The following RANGAP1 variants were observed in gnomAD, a reference collection of about 807,000 sequenced individuals.
RANGAP1 encodes Ran GTPase activating protein 1, also known as ran GTPase-activating protein 1.
In RANGAP1, 38 loss-of-function variants were observed where a neutral mutation model predicts 63.5. The ratio of observed to expected loss-of-function variants is 0.60; its 90% CI spans 0.46 to 0.78. The LOEUF (loss-of-function observed/expected upper bound fraction) is 0.78, where lower values mean the gene tolerates loss of function less well. Ranked by LOEUF, RANGAP1 falls within the 30% of genes least tolerant of loss-of-function variation. The pLI, the probability that RANGAP1 is intolerant of heterozygous loss-of-function variation, is 0.00. For missense variants in RANGAP1, 630 were observed against 740.3 expected (o/e 0.85, Z 1.73); for synonymous variants, 329 against 310.5 (o/e 1.06, Z -0.63).
the RANGAP1 span, among the ~76,000 whole-genome samples, chr22:41,297,569 G>C: frequency 6.7e-6 from 1 of 149,436 alleles, no homozygotes; most frequent in Non-Finnish European, 1.5e-5. Context: ...GGAGTGCAGT[G>C]ATGAAGCCAT....
chr22:41,266,051 A>T (rs1439935722), intron 4 of RANGAP1, among the ~76,000 whole-genome samples: 1 of 152,026 alleles, frequency 6.6e-6, no homozygotes, highest in Non-Finnish European at 1.5e-5. Flanking sequence ...AAATACAAAA[A>T]ATTAGCCGGG....
intron 5 of RANGAP1, among the ~76,000 whole-genome samples, chr22:41,263,421 G>C (rs1238469210): frequency 6.6e-6 from 1 of 152,168 alleles, no homozygotes; most frequent in African/African-American, 2.4e-5. Context: ...TTTTGCTCTT[G>C]TTGCCCAGGC....
At chr22:41,249,582 G>A in intron 14 of RANGAP1, 131 bp from the exon 15 acceptor site, 1 of 1,534,548 alleles carries the variant, frequency 6.5e-7, no homozygotes, top group Non-Finnish European at 8.9e-7. Flanking sequence ...GAAGACCAAG[G>A]CTGCTGGGGC....
At chr22:41,272,963 C>T (rs1325862726) in intron 3 of RANGAP1, among the ~76,000 whole-genome samples, 1 of 152,126 alleles carries the variant, frequency 6.6e-6, no homozygotes, top group African/African-American at 2.4e-5. Flanking sequence ...TAGGTGCACA[C>T]CACCATGCCG....
intron 11 of RANGAP1, 123 bp downstream of exon 11, chr22:41,254,185 T>TAA: frequency 1.6e-5 from 15 of 964,792 alleles, no homozygotes; most frequent in Admixed American, 2.7e-5. Context: ...TATCATGCAA[T>TAA]CAAAAAAAAA....
At chr22:41,289,371 C>T (rs2035810739), upstream of RANGAP1, among the ~76,000 whole-genome samples, 1 of 151,978 alleles carries the variant, frequency 6.6e-6, no homozygotes, top group Non-Finnish European at 1.5e-5. Context: ...CCTGTAATCC[C>T]AGCACTTCGG....
chr22:41,287,265 G>A (rs1252361087), upstream of RANGAP1, among the ~76,000 whole-genome samples: 1 of 152,080 alleles, frequency 6.6e-6, no homozygotes, highest in African/African-American at 2.4e-5. Flanking sequence ...AGACACAAAT[G>A]TGGCAAAATG....
chr22:41,273,797 C>T (rs1287691711), intron 3 of RANGAP1, among the ~76,000 whole-genome samples: 1 of 84,406 alleles, frequency 1.2e-5, no homozygotes, highest in Non-Finnish European at 2.8e-5. Flanking sequence ...AAAAAAAGGC[C>T]GGGAGCAGTG....
chr22:41,253,280 T>G (rs2145697127), intron 11 of RANGAP1, among the ~76,000 whole-genome samples: 1 of 152,274 alleles, frequency 6.6e-6, no homozygotes, highest in East Asian at 1.9e-4. Context: ...TGACATGCAG[T>G]GCCCCAGAAA....
the RANGAP1 span, among the ~76,000 whole-genome samples, chr22:41,301,274 G>T: frequency 1.3e-5 from 2 of 152,188 alleles, no homozygotes; most frequent in African/African-American, 4.8e-5. Context: ...AAGGGCGGAG[G>T]CGCTGGGTTT....
intron 5 of RANGAP1, among the ~76,000 whole-genome samples, chr22:41,263,805 C>T (rs2034307547): frequency 6.6e-6 from 1 of 152,246 alleles, no homozygotes; most frequent in Non-Finnish European, 1.5e-5. Context: ...GGCCGAGGGA[C>T]ACAGGCACCC....
At chr22:41,285,569 G>C in intron 1 of RANGAP1, 1 of 985,470 alleles carries the variant, frequency 1.0e-6, no homozygotes, top group Non-Finnish European at 1.2e-6. Context: ...AGCGGCGCCA[G>C]CCCGGGGCCC....
intron 3 of RANGAP1, among the ~76,000 whole-genome samples, chr22:41,272,680 C>T (rs910061286): frequency 2.0e-5 from 3 of 152,102 alleles, no homozygotes; most frequent in Non-Finnish European, 4.4e-5. Flanking sequence ...GCCACCACAC[C>T]CAGCAAATTT....
chr22:41,267,554 C>T (rs559738007), intron 4 of RANGAP1, among the ~76,000 whole-genome samples: 1 of 152,284 alleles, frequency 6.6e-6, no homozygotes, highest in South Asian at 2.1e-4. Flanking sequence ...CTTTCTATTT[C>T]CTTCCACACA....
chr22:41,251,679 T>G (rs1017809344), intron 12 of RANGAP1, among the ~76,000 whole-genome samples: 2 of 151,024 alleles, frequency 1.3e-5, no homozygotes, highest in African/African-American at 4.9e-5. Context: ...CATCTTGTAA[T>G]TGAACTTGAA....
the RANGAP1 span, among the ~76,000 whole-genome samples, chr22:41,295,488 T>C: frequency 6.6e-6 from 1 of 152,028 alleles, no homozygotes; most frequent in Admixed American, 6.6e-5. Context: ...GTTAAACAGA[T>C]GCTTGAAGGC....
chr22:41,282,840 A>G (rs2035565085), intron 1 of RANGAP1, among the ~76,000 whole-genome samples: 1 of 152,154 alleles, frequency 6.6e-6, no homozygotes, highest in Admixed American at 6.6e-5. Context: ...GATGCTCCAA[A>G]AAAAGAAAAG....
chr22:41,283,389 G>C (rs1242074628), intron 1 of RANGAP1, among the ~76,000 whole-genome samples: 1 of 152,042 alleles, frequency 6.6e-6, no homozygotes, highest in East Asian at 1.9e-4. Flanking sequence ...CACGCCTTTA[G>C]TCCCAGCTAC....
chr22:41,301,697 C>G, the RANGAP1 span: 1 of 152,108 alleles, frequency 6.6e-6, no homozygotes. Context: ...ATAATAATAA[C>G]GTAATCATAC....
Sources: gnomAD v4.1 joint callset for allele counts (sites outside exome capture counted in the v4.1 genomes callset) on GRCh38, gnomAD v4.1.1 for gene constraint, MANE v1.5 for transcripts, NCBI Gene and HGNC (gene_info 2026-07-23, HGNC 2026-07-21) for gene names.